OGDHL: variants seen among roughly 807,000 people sequenced by gnomAD.
OGDHL encodes 2-oxoglutarate dehydrogenase-like, mitochondrial.
In OGDHL, 79 loss-of-function variants were observed where a neutral mutation model predicts 109.6. The ratio of observed to expected loss-of-function variants is 0.72; its 90% confidence interval spans 0.60 to 0.87. OGDHL has a LOEUF of 0.87. OGDHL is among the 40% of genes least tolerant of loss of function. The probability of loss-of-function intolerance (pLI) is 0.00; values close to 1 mark genes in which losing one functional copy is unlikely to be tolerated. For missense variants in OGDHL, 1,275 were observed against 1,362.2 expected (o/e 0.94, Z 1.01); for synonymous variants, 528 against 537.2 (o/e 0.98, Z 0.24).
intron 10 of OGDHL, among the ~76,000 whole-genome samples, chr10:49,746,539 C>T (rs550268089): frequency 6.6e-6 from 1 of 152,322 alleles, no homozygotes; most frequent in East Asian, 1.9e-4. Flanking sequence ...ACAGGTGCTC[C>T]TTTGGTCCTT....
At chr10:49,737,729 C>G (rs1224235325) in intron 20 of OGDHL, 57 bp downstream of exon 20, 33 of 1,591,976 alleles carry the variant, frequency 2.1e-5, no homozygotes, top group Non-Finnish European at 2.4e-5. Context: ...GCAGAAGCCA[C>G]ACAATGGGCC....
intron 16 of OGDHL, 120 bp downstream of exon 16, chr10:49,740,590 C>A (rs1841572829): frequency 7.9e-7 from 1 of 1,258,682 alleles, no homozygotes; most frequent in African/African-American, 1.5e-5. Context: ...CAGGGCCATC[C>A]CCTAAGGGCC....
At chr10:49,757,124 T>C (rs140308255) in intron 2 of OGDHL, among the ~76,000 whole-genome samples, 178 bp from the exon 3 acceptor site, 35 of 152,306 alleles carry the variant, frequency 2.3e-4, no homozygotes, top group African/African-American at 8.2e-4. Context: ...TTACAAAAAT[T>C]GACAATGTGA....
chr10:49,748,195 A>G (rs1842332196), intron 8 of OGDHL, among the ~76,000 whole-genome samples: 1 of 152,206 alleles, frequency 6.6e-6, no homozygotes, highest in Non-Finnish European at 1.5e-5. Flanking sequence ...TCATGAGAAC[A>G]ACCCAATGTC....
rs1279938890 is a variant in OGDHL, at chr10:49,736,465, C to T, written c.2646G>A (p.Glu882=). 6 of 1,613,958 alleles carry T rather than the reference C, an allele frequency of 3.7e-6. No individual in the cohort carries two copies. Among genetic ancestry groups the T allele is most frequent in the African/African-American group, 1.3e-5 (1 of 75,048 alleles). The stretch of plus-strand genomic sequence containing the variant: ...TGCAGAAGATGAGCCGCTGCACCTG[C>T]TCAGGGGCCCGTGCTGCGGCCCCAT... ...PEDGAAARAP[E]QVQRLIFCTG... Residue 882 remains glutamate, a synonymous_variant, in exon 21 of 23, where the codon GAG becomes GAA. Transcript: ENST00000374103.
chr10:49,747,028 C>T lies in OGDHL; in HGVS notation c.1167+1G>A, dbSNP rs998215552. 6 of 1,613,538 alleles carry T rather than the reference C, an allele frequency of 3.7e-6. No homozygotes were observed. The highest frequency in any genetic ancestry group is 2.7e-5 in the African/African-American group (2 of 74,932). ...CTCTGGGTTCCCCCAGGTGAGCTCA[C>T]CTTCTTGCCCTGGGCATCTCCACGG... On this transcript the variant is annotated splice_donor_variant, in intron 9 of 22. Transcript: ENST00000374103. LOFTEE classifies it high-confidence loss of function.
chr10:49,750,751 C>T (rs1842530318), intron 7 of OGDHL, 88 bp downstream of exon 7: 2 of 1,468,632 alleles, frequency 1.4e-6, no homozygotes, highest in East Asian at 5.0e-5. Flanking sequence ...CCACCAACAC[C>T]TCCGCTCTGA....
In OGDHL at chr10:49,756,796, A is replaced by C; in HGVS notation, c.355T>G (p.Ser119Ala). The change falls in exon 3 of 23, where the codon TCC becomes GCC. Residue 119 changes from serine (S) to alanine (A), a missense_variant. Physicochemically the swap from Ser to Ala is moderately conservative, Grantham distance 99. Coordinates refer to ENST00000374103, the MANE Select transcript of OGDHL (RefSeq NM_018245.3). Reference sequence around the variant, plus strand: ...CTCACCTGGTAGGCCCGGATCAGGGACTGCACAGCCAGGTGGTCCTCCACC... The same window carrying C: ...CTCACCTGGTAGGCCCGGATCAGGGCCTGCACAGCCAGGTGGTCCTCCACC... ...KLVEDHLAVQSLIRAYQIRGH... is the reference protein window; with the variant it reads ...KLVEDHLAVQALIRAYQIRGH... 1 of 1,613,518 alleles carries C rather than the reference A, an allele frequency of 6.2e-7. No individual in the cohort carries two copies. The highest frequency in any genetic ancestry group is 1.1e-5 in the South Asian group (1 of 90,886).
chr10:49,750,253 C>A (rs999729839), intron 7 of OGDHL, among the ~76,000 whole-genome samples: 1 of 152,234 alleles, frequency 6.6e-6, no homozygotes, highest in African/African-American at 2.4e-5. Context: ...TCTGCACATG[C>A]CCACTCAGCA....
At chr10:49,743,642 C>T (rs771846816) in intron 14 of OGDHL, 11 of 189,810 alleles carry the variant, frequency 5.8e-5, no homozygotes, top group Non-Finnish European at 9.8e-5. Flanking sequence ...ATTCTGCCCA[C>T]GTTCCAGGCT....
rs533976710 is a variant in OGDHL at position 49,748,000 on chromosome 10, A to C, written c.988-792T>G. 3.9e-5 allele frequency among the ~76,000 whole-genome samples: 6 copies of C among 152,304 alleles called. No homozygotes were observed. In the South Asian group the frequency reaches 1.2e-3, roughly 32 times the overall value. Reference sequence around the variant, plus strand: ...GAACCTATTATATCGGCAAAGATGAAAGGATTCGAGAGCGTGTAGGAGGAA... The same window carrying C: ...GAACCTATTATATCGGCAAAGATGACAGGATTCGAGAGCGTGTAGGAGGAA... On this transcript the variant is annotated intron_variant, in intron 8 of 22. Transcript: ENST00000374103.
At chr10:49,755,922 C>G (rs529245120) in intron 3 of OGDHL, among the ~76,000 whole-genome samples, 1 of 152,234 alleles carries the variant, frequency 6.6e-6, no homozygotes, top group Non-Finnish European at 1.5e-5. Flanking sequence ...TACACAATAG[C>G]TGCTGTTTGC....
Position 49,742,990 on chromosome 10 carries a change from G to GAGTGC in OGDHL, c.1862-17_1862-13dup, listed in dbSNP as rs1841902005. On this transcript the variant is annotated splice_polypyrimidine_tract_variant and intron_variant, in intron 14 of 22. Coordinates refer to ENST00000374103, the MANE Select transcript of OGDHL (RefSeq NM_018245.3). The stretch of plus-strand genomic sequence containing the variant: ...AATGCGAGAGAGGCCTGTGGGAAAG[G>GAGTGC]AGTGCTGGCCTGAGGGCCAAGGGAC... 3 of 1,611,150 alleles carry GAGTGC rather than the reference G, an allele frequency of 1.9e-6. No homozygotes were observed. The highest frequency in any genetic ancestry group is 3.3e-5 in the Admixed American group (2 of 59,972).
intron 13 of OGDHL, 55 bp downstream of exon 13, chr10:49,744,595 G>T: frequency 7.2e-7 from 1 of 1,397,524 alleles, no homozygotes; most frequent in Non-Finnish European, 1.0e-6. Context: ...CCTGATCCCA[G>T]TGCAAGACCT....
intron 8 of OGDHL, among the ~76,000 whole-genome samples, chr10:49,749,215 G>C (rs1842416791): frequency 6.6e-6 from 1 of 152,110 alleles, no homozygotes; most frequent in African/African-American, 2.4e-5. Flanking sequence ...ATCTCAAAAA[G>C]AAAAGGAAAG....
At chr10:49,745,535 G>C in intron 11 of OGDHL, 39 bp from the exon 12 acceptor site, 1 of 1,610,472 alleles carries the variant, frequency 6.2e-7, no homozygotes. Context: ...CCTTCCCTAC[G>C]CTGTGTGGTC....
chr10:49,746,959 G>C, intron 9 of OGDHL, 70 bp downstream of exon 9: 1 of 1,608,626 alleles, frequency 6.2e-7, no homozygotes, highest in Non-Finnish European at 8.5e-7. Flanking sequence ...TGGAGACCCA[G>C]GGTCCAGCCC....
At chr10:49,742,099 C>T (rs1433422566) in intron 15 of OGDHL, among the ~76,000 whole-genome samples, 2 of 144,008 alleles carry the variant, frequency 1.4e-5, no homozygotes, top group Admixed American at 7.0e-5. Context: ...ACACAAACAC[C>T]CTCACACACA....
Position 49,762,227 on chromosome 10 carries a change from C to G in OGDHL, c.-2+12G>C, listed in dbSNP as rs1183406330. The G allele has an allele frequency of 6.6e-6, 1 of 152,358 alleles. No homozygotes were observed. The highest frequency in any genetic ancestry group is 2.4e-5 in the African/African-American group (1 of 41,420). 9.4% of individuals were successfully genotyped at this position (152,358 alleles called of 1,614,324 possible). A position where few individuals can be genotyped will look rare whatever the true frequency, so the allele number is the denominator to read the frequency against. ...GCGCAGGGACCGGGAGGGGGCGGGCCGCCGCGCTCACCGGGCGGGCGGGCC... is the reference window on the plus strand; with the variant it reads ...GCGCAGGGACCGGGAGGGGGCGGGCGGCCGCGCTCACCGGGCGGGCGGGCC... On this transcript the variant is annotated intron_variant, in intron 1 of 22. Transcript: ENST00000374103.
Sources: allele counts gnomAD v4.1 joint callset (sites outside exome capture counted in the v4.1 genomes callset), GRCh38; gene constraint gnomAD v4.1.1; transcripts MANE v1.5; gene names NCBI Gene and HGNC (gene_info 2026-07-23, HGNC 2026-07-21).